The following C3 variants were observed in gnomAD, a reference collection of about 807,000 sequenced individuals.
The protein encoded by C3 is complement C3.
Under a neutral mutation model 207.9 loss-of-function variants are expected in C3, and 97 were observed. The observed-to-expected ratio is 0.47, with a 90% confidence interval of 0.40 to 0.55. C3 has a LOEUF of 0.55. Among genes scored for constraint, C3 ranks in the 20% least tolerant of loss-of-function variants. The pLI is 0.00. For missense variants in C3, 1,684 were observed against 2,171.7 expected (o/e 0.78, Z 4.46); for synonymous variants, 848 against 857.6 (o/e 0.99, Z 0.20).
At chr19:6,708,791 A>G (rs375610463) in intron 14 of C3, among the ~76,000 whole-genome samples, 1 of 150,064 alleles carries the variant, frequency 6.7e-6, no homozygotes, top group Admixed American at 6.6e-5. Flanking sequence ...GGCTCAAGCA[A>G]TCCTCGCACC....
At chr19:6,697,053 C>CAAA (rs1967552583) in intron 21 of C3, among the ~76,000 whole-genome samples, 1 of 114,136 alleles carries the variant, frequency 8.8e-6, no homozygotes, top group Middle Eastern at 4.9e-3. Context: ...AAAAAATAAA[C>CAAA]AAACAAATAA....
At position 6,677,816 on chromosome 19, in the gene C3, G is replaced by C; in HGVS notation, c.*66C>G. On this transcript the variant is annotated 3_prime_UTR_variant, in exon 41 of 41. Transcript: ENST00000245907. ...TGGGGATTTCAGCCTCTCCCTCTTG[G>C]CAAAGAACTCCAGACACGTGAGATA... 1 of 1,598,978 alleles carries C rather than the reference G, an allele frequency of 6.3e-7. No individual in the cohort carries two copies. The highest frequency in any genetic ancestry group is 1.1e-5 in the South Asian group (1 of 90,534).
intron 4 of C3, among the ~76,000 whole-genome samples, chr19:6,715,333 G>T (rs1238378408): frequency 6.6e-6 from 1 of 151,974 alleles, no homozygotes; most frequent in Non-Finnish European, 1.5e-5. Flanking sequence ...AAAATTAGCT[G>T]GATGTGGTGG....
rs143439398 is a variant in C3, at chr19:6,704,409, G to A, written c.2246-1830C>T. On this transcript the variant is annotated intron_variant, in intron 17 of 40. Coordinates refer to ENST00000245907, the MANE Select transcript of C3 (RefSeq NM_000064.4). Reference sequence around the variant, plus strand: ...AACATGATAGACAGGCTTTAATTGGGTTCTGGATCTCCATAACAACAAAGT... The same window carrying A: ...AACATGATAGACAGGCTTTAATTGGATTCTGGATCTCCATAACAACAAAGT... 1.4e-3 allele frequency among the ~76,000 whole-genome samples: 210 copies of A among 152,260 alleles called. 2 individuals carry two copies. Among genetic ancestry groups the A allele is most frequent in the African/African-American group, 4.9e-3 (203 of 41,546 alleles).
In C3 at chr19:6,678,280, A is replaced by C; in HGVS notation, c.4722T>G (p.Asp1574Glu). The C allele has an allele frequency of 6.2e-7, 1 of 1,614,102 alleles. No individual in the cohort carries two copies. The highest frequency in any genetic ancestry group is 1.1e-5 in the South Asian group (1 of 91,076). The change falls in exon 40 of 41, where the codon GAT (aspartate) becomes GAG (glutamate). Residue 1574 changes from aspartate to glutamate, a missense_variant. Physicochemically the swap from Asp to Glu is conservative, Grantham distance 45. Coordinates refer to ENST00000245907, the MANE Select transcript of C3 (RefSeq NM_000064.4). ...TGCGCTGCTGTCCAACCTGCACCTC[A>C]TCCGAGCCTGGAGTGGAGGGGAGAG... ...AIEQTIKSGS[D>E]EVQVGQQRTF...
Position 6,682,208 on chromosome 19 carries a change from G to A in C3, c.4194C>T (p.Ala1398=). 2 of 1,613,908 alleles carry A rather than the reference G, an allele frequency of 1.2e-6. No individual in the cohort carries two copies. The highest frequency in any genetic ancestry group is 1.7e-6 in the Non-Finnish European group (2 of 1,179,772). The part of the protein sequence containing the change: ...ICTRYRGDQD[A]TMSILDISMM... Reference sequence around the variant, plus strand: ...TGGATATGTCCAATATAGACATAGTGGCATCCTGGTCTCCCCGGTACCTGG... The same window carrying A: ...TGGATATGTCCAATATAGACATAGTAGCATCCTGGTCTCCCCGGTACCTGG... The change falls in exon 34 of 41, where the codon GCC becomes GCT. Residue 1398 remains alanine, a synonymous_variant. Coordinates refer to ENST00000245907, the MANE Select transcript of C3 (RefSeq NM_000064.4).
intron 17 of C3, among the ~76,000 whole-genome samples, chr19:6,706,450 G>C (rs1014802995): frequency 1.3e-5 from 2 of 151,984 alleles, no homozygotes; most frequent in African/African-American, 2.4e-5. Flanking sequence ...CCCCTCGGAC[G>C]GGAGCCTCCT....
Position 6,678,563 on chromosome 19 carries a change from TTG to T in C3, c.4631-110_4631-109del, listed in dbSNP as rs1917781437. On this transcript the variant is annotated intron_variant, in intron 38 of 40. Transcript: ENST00000245907. ...GTGGCTCTCTCTCCCAAGCAGAAAGTTGCAGAATCACAGCCAGTCACACTATG... is the reference window on the plus strand; with the variant it reads ...GTGGCTCTCTCTCCCAAGCAGAAAGTCAGAATCACAGCCAGTCACACTATG... 3.7e-5 allele frequency: 32 copies of T among 862,300 alleles called. No homozygotes were observed. In the South Asian group the frequency reaches 4.6e-4, roughly 12 times the overall value. 53.4% of individuals were successfully genotyped at this position (862,300 alleles called of 1,614,324 possible). A position where few individuals can be genotyped will look rare whatever the true frequency, so the allele number is the denominator to read the frequency against.
chr19:6,694,680 C>A, intron 23 of C3, 46 bp from the exon 24 acceptor site: 2 of 1,579,272 alleles, frequency 1.3e-6, no homozygotes, highest in East Asian at 2.2e-5. Context: ...GGTGGGTGAC[C>A]CACCTTGGGG....
chr19:6,716,185 G>A (rs11569416), intron 4 of C3, among the ~76,000 whole-genome samples: 3,213 of 151,656 alleles, frequency 0.021, 85 homozygotes, highest in East Asian at 0.07. Context: ...TCTGCCTCCC[G>A]AAATGTTGGA....
rs1918104931 is a variant in C3, at chr19:6,689,346, TCCCTCC to T, written c.3489+1277_3489+1282del. On this transcript the variant is annotated intron_variant, in intron 27 of 40. Transcript: ENST00000245907. ...CTACCTACCTCCCTCCCTCCCTCCCTCCCTCCCTCCCTCCCTCTCTCTCTCTCTCTC... is the reference window on the plus strand; with the variant it reads ...CTACCTACCTCCCTCCCTCCCTCCCTCTCCCTCCCTCTCTCTCTCTCTCTC... Among the ~76,000 whole-genome samples, 4 of 23,504 alleles carry T rather than the reference TCCCTCC, an allele frequency of 1.7e-4. No individual in the cohort carries two copies. The South Asian group carries it at 6.6e-3, about 39-fold the overall frequency. The allele number at this position is 23,504 out of a possible 152,430, so 15.4% of individuals were successfully genotyped here. A position where few individuals can be genotyped will look rare whatever the true frequency, so the allele number is the denominator to read the frequency against.
At chr19:6,689,330 TCCCTCC>T (rs1918099016) in intron 27 of C3, among the ~76,000 whole-genome samples, 8 of 42,922 alleles carry the variant, frequency 1.9e-4, no homozygotes, top group African/African-American at 8.0e-4. Flanking sequence ...TCTACCTACC[TCCCTCC>T]CTCCCTCCCT....
intron 26 of C3, 72 bp downstream of exon 26, chr19:6,692,852 T>G (rs559080917): frequency 1.3e-4 from 209 of 1,557,208 alleles, no homozygotes; most frequent in Middle Eastern, 8.7e-4. Context: ...GAGGTGGGGC[T>G]CTCTCTCGTG....
Position 6,714,273 on chromosome 19 carries a change from C to T in C3, c.600-25G>A, listed in dbSNP as rs1197041330. 3.7e-6 allele frequency: 6 copies of T among 1,612,786 alleles called. No individual in the cohort carries two copies. In the Middle Eastern group the frequency reaches 4.9e-4, roughly 133 times the overall value. ...GCTGTGAGGAGGGCGGATGAGTGGT[C>T]TCTCAGGCCTCGGAGCCCCCCTGCT... On this transcript the variant is annotated intron_variant, in intron 5 of 40. Coordinates refer to ENST00000245907, the MANE Select transcript of C3 (RefSeq NM_000064.4).
In C3 at chr19:6,686,104, GGGGCT is replaced by G. The variant is rs770521313; in HGVS notation, c.3810+15_3810+19del. The G allele has an allele frequency of 3.1e-6, 5 of 1,613,392 alleles. No homozygotes were observed. Among genetic ancestry groups the G allele is most frequent in the Non-Finnish European group, 1.7e-6 (2 of 1,179,634 alleles). On this transcript the variant is annotated intron_variant, in intron 29 of 40. Transcript: ENST00000245907. Reference sequence around the variant, plus strand: ...CAGGAGACAGGGATGCATGTGCCTAGGGGCTGTGGGCCCACTTGCCTGGGTAGAGC... The same window carrying G: ...CAGGAGACAGGGATGCATGTGCCTAGGTGGGCCCACTTGCCTGGGTAGAGC...
At chr19:6,713,595 G>A in intron 7 of C3, 86 bp from the exon 8 acceptor site, 5 of 1,076,302 alleles carry the variant, frequency 4.6e-6, no homozygotes, top group Non-Finnish European at 7.0e-6. Flanking sequence ...GCTGAAGACT[G>A]GAGCCCCCAA....
intron 27 of C3, 83 bp from the exon 28 acceptor site, chr19:6,686,985 G>A: frequency 7.2e-7 from 1 of 1,396,516 alleles, no homozygotes; most frequent in Non-Finnish European, 1.0e-6. Context: ...CACTTCCTGA[G>A]CATCAGGGAT....
intron 23 of C3, among the ~76,000 whole-genome samples, chr19:6,695,721 T>C (rs942172173): frequency 2.0e-5 from 3 of 151,938 alleles, no homozygotes; most frequent in African/African-American, 7.2e-5. Flanking sequence ...TCAGGTGGTC[T>C]GCCTGCCTCG....
intron 39 of C3, 34 bp downstream of exon 39, chr19:6,678,338 G>A (rs1191416712): frequency 1.5e-5 from 24 of 1,614,054 alleles, no homozygotes; most frequent in Non-Finnish European, 1.9e-5. Context: ...GGAAGCCAGG[G>A]AAGAGCCACG....
Sources: gnomAD v4.1 joint callset for allele counts (sites outside exome capture counted in the v4.1 genomes callset) on GRCh38, gnomAD v4.1.1 for gene constraint, MANE v1.5 for transcripts, NCBI Gene and HGNC (gene_info 2026-07-23, HGNC 2026-07-21) for gene names.